MEI4: variants seen among roughly 807,000 people sequenced by gnomAD.
The protein encoded by MEI4 is meiotic double-stranded break formation protein 4.
MEI4 carries 27 observed loss-of-function variants against 31.4 expected under a neutral mutation model. That is an observed-to-expected ratio of 0.86 (90% confidence interval 0.63 to 1.19). MEI4 has a LOEUF of 1.19. MEI4 is among the 50% of genes most tolerant of loss of function. The probability of loss-of-function intolerance (pLI) is 0.00; values close to 1 mark genes in which losing one functional copy is unlikely to be tolerated. For synonymous variants in MEI4, 122 were observed against 145.4 expected (o/e 0.84, Z 1.16); for missense variants, 329 against 398.9 (o/e 0.82, Z 1.49).
intron 4 of MEI4, among the ~76,000 whole-genome samples, chr6:77,876,985 A>G (rs1034138548): frequency 6.6e-6 from 1 of 152,186 alleles, no homozygotes; most frequent in African/African-American, 2.4e-5. Context: ...CCATTAATAC[A>G]AGTCTTCTAT....
intron 4 of MEI4, among the ~76,000 whole-genome samples, chr6:77,914,972 G>A (rs898995084): frequency 3.3e-5 from 5 of 151,952 alleles, no homozygotes; most frequent in African/African-American, 4.8e-5. Flanking sequence ...TTTCTTGTAA[G>A]CAGCATATAG....
At chr6:77,804,490 A>T (rs556963978) in intron 3 of MEI4, among the ~76,000 whole-genome samples, 2 of 152,268 alleles carry the variant, frequency 1.3e-5, no homozygotes, top group East Asian at 1.9e-4. Context: ...CTCGCCAGTG[A>T]GATGAACCTG....
intron 2 of MEI4, chr6:77,716,997 C>T (rs940258649): frequency 1.7e-4 from 33 of 197,762 alleles, no homozygotes; most frequent in Admixed American, 7.9e-4. Flanking sequence ...TAAGGTGGGA[C>T]GAGAGATTTG....
At chr6:77,915,802 C>A (rs1337859472) in intron 4 of MEI4, among the ~76,000 whole-genome samples, 1 of 151,844 alleles carries the variant, frequency 6.6e-6, no homozygotes, top group African/African-American at 2.4e-5. Context: ...GTCTAAATAT[C>A]TTTTTAGACT....
At chr6:77,880,495 G>T (rs1269526620) in intron 4 of MEI4, among the ~76,000 whole-genome samples, 4 of 152,110 alleles carry the variant, frequency 2.6e-5, no homozygotes, top group Non-Finnish European at 5.9e-5. Flanking sequence ...TTTGTATAAA[G>T]AATATGTTAT....
chr6:77,836,850 G>A (rs1234747759), intron 4 of MEI4, among the ~76,000 whole-genome samples: 1 of 152,026 alleles, frequency 6.6e-6, no homozygotes, highest in Non-Finnish European at 1.5e-5. Context: ...GCATCAAACT[G>A]TGCTCAAGTA....
At position 77,789,847 on chromosome 6, in the gene MEI4, C is replaced by T. The variant is rs181889166; in HGVS notation, c.768+28182C>T. Among the ~76,000 whole-genome samples, 86 of 152,204 alleles carry T rather than the reference C, an allele frequency of 5.7e-4. 2 individuals are homozygous for T. Among genetic ancestry groups the T allele is most frequent in the African/African-American group, 1.5e-3 (61 of 41,552 alleles). ...TCAACCATAGTGGAAGTCAGTGTGG[C>T]GATTCCTCAGGGATCTAGAACTAGA... On this transcript the variant is annotated intron_variant, in intron 3 of 4. Coordinates refer to ENST00000684080, the MANE Select transcript of MEI4 (RefSeq NM_001322247.2).
intron 4 of MEI4, among the ~76,000 whole-genome samples, chr6:77,854,849 T>C (rs970279653): frequency 6.6e-6 from 1 of 152,106 alleles, no homozygotes; most frequent in Admixed American, 6.6e-5. Context: ...CTCTGTTTTA[T>C]AGATGAGGTG....
chr6:77,699,526 TTCC>T (rs924804375), intron 2 of MEI4, among the ~76,000 whole-genome samples: 4 of 152,200 alleles, frequency 2.6e-5, no homozygotes, highest in Non-Finnish European at 2.9e-5. Context: ...TGGTTTGAAT[TTCC>T]TCCTCTAGCT....
intron 4 of MEI4, among the ~76,000 whole-genome samples, chr6:77,862,603 A>G (rs1302956067): frequency 1.3e-5 from 2 of 152,320 alleles, no homozygotes; most frequent in East Asian, 1.9e-4. Context: ...GGAGCCCACC[A>G]TAACTCAAGG....
intron 4 of MEI4, among the ~76,000 whole-genome samples, chr6:77,833,883 ATGT>A (rs1299982880): frequency 6.6e-6 from 1 of 152,032 alleles, no homozygotes; most frequent in Non-Finnish European, 1.5e-5. Context: ...GGAACATGTG[ATGT>A]TTGGTTTTCT....
chr6:77,708,525 T>C (rs1341751888), intron 2 of MEI4, among the ~76,000 whole-genome samples: 1 of 152,182 alleles, frequency 6.6e-6, no homozygotes, highest in African/African-American at 2.4e-5. Flanking sequence ...GATTGTATTA[T>C]GGAATGAAAG....
At chr6:77,822,768 C>T (rs1053506099) in intron 3 of MEI4, among the ~76,000 whole-genome samples, 4 of 151,534 alleles carry the variant, frequency 2.6e-5, no homozygotes, top group African/African-American at 4.8e-5. Context: ...TACAGGCACC[C>T]ACCACCACTC....
intron 4 of MEI4, among the ~76,000 whole-genome samples, chr6:77,872,508 G>A (rs913851920): frequency 2.0e-5 from 3 of 152,064 alleles, no homozygotes; most frequent in Admixed American, 6.6e-5. Flanking sequence ...AAATGTTTAC[G>A]AAAGGTGGCA....
At chr6:77,826,482 G>T (rs949366693) in intron 3 of MEI4, among the ~76,000 whole-genome samples, 2 of 152,108 alleles carry the variant, frequency 1.3e-5, no homozygotes, top group African/African-American at 4.8e-5. Flanking sequence ...ATCAGCTGGA[G>T]ATCTTTATAT....
At chr6:77,909,578 C>T (rs138049698) in intron 4 of MEI4, among the ~76,000 whole-genome samples, 2 of 152,104 alleles carry the variant, frequency 1.3e-5, no homozygotes, top group Admixed American at 6.6e-5. Flanking sequence ...AGCTTACCAA[C>T]CAACAAAAGT....
At chr6:77,733,833 G>T (rs1215064639) in intron 2 of MEI4, among the ~76,000 whole-genome samples, 1 of 151,936 alleles carries the variant, frequency 6.6e-6, no homozygotes. Flanking sequence ...TTGTATGTTT[G>T]TTCTTATTGG....
intron 1 of MEI4, among the ~76,000 whole-genome samples, chr6:77,679,396 T>A (rs1006456646): frequency 6.8e-6 from 1 of 148,102 alleles, no homozygotes. Flanking sequence ...TACACAAATA[T>A]TTATGATTGT....
chr6:77,835,407 T>TAA (rs1298674478), intron 4 of MEI4, among the ~76,000 whole-genome samples: 2,180 of 75,884 alleles, frequency 0.029, 42 homozygotes, highest in East Asian at 0.13. Flanking sequence ...CACACACAAA[T>TAA]AAAAAAAAAA....
Sources: gnomAD v4.1 joint callset for allele counts (sites outside exome capture counted in the v4.1 genomes callset) on GRCh38, gnomAD v4.1.1 for gene constraint, MANE v1.5 for transcripts, NCBI Gene and HGNC (gene_info 2026-07-23, HGNC 2026-07-21) for gene names.